HTR2C: variants seen among roughly 807,000 people sequenced by gnomAD.
HTR2C encodes 5-hydroxytryptamine receptor 2C, also known as 5-hydroxytryptamine (serotonin) receptor 2C, G protein-coupled.
Under a neutral mutation model 21.0 loss-of-function variants are expected in HTR2C, and 5 were observed. The observed-to-expected ratio is 0.24, with a 90% CI of 0.12 to 0.50. HTR2C has a LOEUF of 0.50. Among genes scored for constraint, HTR2C ranks in the 20% least tolerant of loss-of-function variants. HTR2C has a pLI of 0.98. For synonymous variants in HTR2C, 150 were observed against 145.3 expected (o/e 1.03, Z -0.23); for missense variants, 271 against 371.2 (o/e 0.73, Z 2.22).
At position 114,718,164 on chromosome X, in the gene HTR2C, G is replaced by A. The variant is rs112421003; in HGVS notation, c.-79-8694G>A. 4.1e-3 allele frequency among the ~76,000 whole-genome samples: 460 copies of A among 111,296 alleles called. 1 individual carries two copies. The highest frequency in any genetic ancestry group is 7.0e-3 in the Non-Finnish European group (371 of 53,106). On this transcript the variant is annotated intron_variant, in intron 2 of 5. Coordinates refer to ENST00000276198, the MANE Select transcript of HTR2C (RefSeq NM_000868.4). ...CAGTCCCCAAGCCCACCCCACAGTAGCTGGGACTACAGGCCCGCACCATCA... is the reference window on the plus strand; with the variant it reads ...CAGTCCCCAAGCCCACCCCACAGTAACTGGGACTACAGGCCCGCACCATCA...
chrX:114,707,454 T>C (rs978246646), intron 2 of HTR2C, among the ~76,000 whole-genome samples: 22 of 111,222 alleles, frequency 2.0e-4, no homozygotes, highest in African/African-American at 7.2e-4. Context: ...ACCATGTTTA[T>C]AAATATGTAT....
intron 2 of HTR2C, among the ~76,000 whole-genome samples, chrX:114,623,343 CA>C (rs1414293813): frequency 8.9e-6 from 1 of 111,903 alleles, no homozygotes; most frequent in Non-Finnish European, 1.9e-5. Flanking sequence ...CTAGTATTGT[CA>C]TTATTATAAC....
intron 2 of HTR2C, among the ~76,000 whole-genome samples, chrX:114,714,855 T>C (rs1053461964): frequency 2.7e-5 from 3 of 111,650 alleles, no homozygotes; most frequent in Non-Finnish European, 5.6e-5. Flanking sequence ...CTAGAACTCA[T>C]GTCTCCTACT....
At chrX:114,874,985 C>T (rs1569501659) in intron 5 of HTR2C, among the ~76,000 whole-genome samples, 1 of 111,380 alleles carries the variant, frequency 9.0e-6, no homozygotes, top group Non-Finnish European at 1.9e-5. Flanking sequence ...AACAAAACAT[C>T]ATAAACTGGA....
At chrX:114,876,392 ATTTC>A (rs201460268) in intron 5 of HTR2C, among the ~76,000 whole-genome samples, 8 of 59,670 alleles carry the variant, frequency 1.3e-4, no homozygotes, top group African/African-American at 2.3e-4. Flanking sequence ...GATGCCGGTT[ATTTC>A]TTTCTTTCTT....
At position 114,695,400 on chromosome X, in the gene HTR2C, G is replaced by A. The variant is rs58554425; in HGVS notation, c.-79-31458G>A. Among the ~76,000 whole-genome samples, 845 of 111,574 alleles carry A rather than the reference G, an allele frequency of 7.6e-3. 14 individuals carry two copies. Among genetic ancestry groups the A allele is most frequent in the African/African-American group, 0.026 (790 of 30,779 alleles). ...GAGTAGAGACAAGAAACAACAAATAGGAAGAATGCTCTTTGGCTTTCTTAA... is the reference window on the plus strand; with the variant it reads ...GAGTAGAGACAAGAAACAACAAATAAGAAGAATGCTCTTTGGCTTTCTTAA... On this transcript the variant is annotated intron_variant, in intron 2 of 5. Transcript: ENST00000276198.
intron 4 of HTR2C, among the ~76,000 whole-genome samples, chrX:114,737,034 C>A (rs1358988820): frequency 2.8e-5 from 3 of 108,541 alleles, no homozygotes; most frequent in Non-Finnish European, 5.7e-5. Flanking sequence ...TAGTAAAAAA[C>A]CAAAGTATAT....
At chrX:114,866,603 A>ATT (rs35657175) in intron 5 of HTR2C, among the ~76,000 whole-genome samples, 33 of 104,417 alleles carry the variant, frequency 3.2e-4, no homozygotes, top group Admixed American at 2.1e-3. Flanking sequence ...CATTCTTTCT[A>ATT]TTTTTTTTTG....
At chrX:114,830,582 C>T (rs2070713379) in intron 4 of HTR2C, among the ~76,000 whole-genome samples, 1 of 108,149 alleles carries the variant, frequency 9.2e-6, no homozygotes, top group African/African-American at 3.3e-5. Flanking sequence ...TAATTGGTAA[C>T]TTTTTATTTT....
chrX:114,731,195 A>G, intron 3 of HTR2C, 99 bp from the exon 4 acceptor site: 1 of 511,857 alleles, frequency 2.0e-6, no homozygotes, highest in Non-Finnish European at 3.4e-6. Context: ...GATAATGATG[A>G]CAATGATCCA....
At chrX:114,707,044 C>G (rs1189256488) in intron 2 of HTR2C, among the ~76,000 whole-genome samples, 6 of 111,626 alleles carry the variant, frequency 5.4e-5, no homozygotes, top group Non-Finnish European at 1.1e-4. Context: ...ATTTCAATTA[C>G]TATTGCATAT....
intron 4 of HTR2C, among the ~76,000 whole-genome samples, chrX:114,751,790 T>C (rs983997669): frequency 3.6e-5 from 4 of 111,673 alleles, no homozygotes; most frequent in Non-Finnish European, 5.6e-5. Flanking sequence ...TTTGCAGTCA[T>C]GTATTTCCAC....
At chrX:114,676,080 G>A (rs1556412559) in intron 2 of HTR2C, among the ~76,000 whole-genome samples, 4 of 110,447 alleles carry the variant, frequency 3.6e-5, no homozygotes, top group Non-Finnish European at 1.9e-5. Flanking sequence ...ATGTTGGCCA[G>A]GCTGGTTTCG....
intron 4 of HTR2C, among the ~76,000 whole-genome samples, chrX:114,842,650 T>C (rs2070843618): frequency 8.9e-6 from 1 of 111,934 alleles, no homozygotes; most frequent in Admixed American, 9.5e-5. Context: ...ACACTATTCT[T>C]CCACCTGTGA....
chrX:114,668,593 G>C (rs1319535847), intron 2 of HTR2C, among the ~76,000 whole-genome samples: 33 of 111,234 alleles, frequency 3.0e-4, no homozygotes, highest in African/African-American at 1.1e-3. Context: ...AGTAAAAATA[G>C]GTATTACAGT....
chrX:114,601,670 A>G (rs2147794285), intron 1 of HTR2C, among the ~76,000 whole-genome samples: 1 of 109,629 alleles, frequency 9.1e-6, no homozygotes, highest in East Asian at 2.9e-4. Flanking sequence ...CTGGATGTAT[A>G]CATGCAAGTC....
At chrX:114,610,093 T>C (rs1201737355) in intron 1 of HTR2C, among the ~76,000 whole-genome samples, 1 of 112,138 alleles carries the variant, frequency 8.9e-6, no homozygotes, top group Admixed American at 9.5e-5. Context: ...ATTCAGTCCC[T>C]CTGTGGTCCT....
chrX:114,715,198 G>T, intron 2 of HTR2C: 1 of 333,792 alleles, frequency 3.0e-6, no homozygotes, highest in Non-Finnish European at 6.2e-6. Flanking sequence ...CTTTATATAG[G>T]ATGTCTTGAA....
chrX:114,821,221 T>G (rs1166852948), intron 4 of HTR2C, among the ~76,000 whole-genome samples: 1 of 87,119 alleles, frequency 1.1e-5, no homozygotes, highest in Non-Finnish European at 2.3e-5. Context: ...AAAGCAGATA[T>G]GAGTACGTAC....
Sources: allele counts gnomAD v4.1 joint callset (sites outside exome capture counted in the v4.1 genomes callset), GRCh38; gene constraint gnomAD v4.1.1; transcripts MANE v1.5; gene names NCBI Gene and HGNC (gene_info 2026-07-23, HGNC 2026-07-21).